Variants in RIPOR3 observed in about 807,000 individuals in gnomAD.
RIPOR3 encodes the protein RIPOR family member 3.
In RIPOR3, 95 loss-of-function variants were observed where a neutral mutation model predicts 114.3. The ratio of observed to expected loss-of-function variants is 0.83; its 90% CI spans 0.70 to 0.99. The LOEUF (loss-of-function observed/expected upper bound fraction) is 0.99. Among genes scored for constraint, RIPOR3 ranks in the 50% least tolerant of loss-of-function variants. The pLI, the probability that RIPOR3 is intolerant of heterozygous loss-of-function variation, is 0.00. For missense variants in RIPOR3, 1,252 were observed against 1,266.9 expected (o/e 0.99, Z 0.18); for synonymous variants, 575 against 543.8 (o/e 1.06, Z -0.80).
intron 20 of RIPOR3, among the ~76,000 whole-genome samples, 195 bp from the exon 21 acceptor site, chr20:50,588,087 C>T (rs2082981341): frequency 6.6e-6 from 1 of 152,238 alleles, no homozygotes; most frequent in African/African-American, 2.4e-5. Context: ...AGCGTCTCGC[C>T]TCTTCAGCCC....
At chr20:50,623,007 T>C (rs199857739) in intron 2 of RIPOR3, among the ~76,000 whole-genome samples, 2 of 152,138 alleles carry the variant, frequency 1.3e-5, no homozygotes, top group East Asian at 3.9e-4. Context: ...CTCACACCTA[T>C]AATCCCAGCA....
chr20:50,638,674 G>A (rs1222168137), intron 1 of RIPOR3, among the ~76,000 whole-genome samples: 1 of 152,088 alleles, frequency 6.6e-6, no homozygotes, highest in African/African-American at 2.4e-5. Context: ...AGAGAGCGTG[G>A]GGGTGTGGGG....
At chr20:50,592,727 T>A (rs1476156007) in intron 18 of RIPOR3, among the ~76,000 whole-genome samples, 181 bp from the exon 19 acceptor site, 1 of 152,180 alleles carries the variant, frequency 6.6e-6, no homozygotes, top group African/African-American at 2.4e-5. Context: ...CAGGAAGGCC[T>A]TTTAACAAGG....
intron 1 of RIPOR3, among the ~76,000 whole-genome samples, chr20:50,682,990 G>A (rs2086906853): frequency 6.6e-6 from 1 of 152,200 alleles, no homozygotes; most frequent in Admixed American, 6.5e-5. Context: ...GCCTCCCAAA[G>A]TACTGGGATT....
intron 1 of RIPOR3, among the ~76,000 whole-genome samples, chr20:50,665,482 G>A (rs369129483): frequency 1.3e-4 from 18 of 142,462 alleles, no homozygotes; most frequent in South Asian, 1.2e-3. Flanking sequence ...GGGCAGTGGT[G>A]TGATCTCGGC....
chr20:50,592,933 C>G, intron 18 of RIPOR3, 102 bp downstream of exon 18: 1 of 1,408,438 alleles, frequency 7.1e-7, no homozygotes, highest in Non-Finnish European at 9.7e-7. Context: ...GAACAGTTGG[C>G]GGGGATGGAT....
At chr20:50,604,179 C>A (rs2083608779) in intron 12 of RIPOR3, among the ~76,000 whole-genome samples, 1 of 150,154 alleles carries the variant, frequency 6.7e-6, no homozygotes, top group Non-Finnish European at 1.5e-5. Context: ...GAGCGAAACT[C>A]CGTCTCAAAA....
chr20:50,591,716 C>G (rs1005369147), intron 19 of RIPOR3, among the ~76,000 whole-genome samples: 1 of 152,220 alleles, frequency 6.6e-6, no homozygotes, highest in Non-Finnish European at 1.5e-5. Flanking sequence ...GAGGTCCACT[C>G]TCTTGGTTTT....
At chr20:50,665,855 A>T (rs2086172723) in intron 1 of RIPOR3, among the ~76,000 whole-genome samples, 1 of 152,100 alleles carries the variant, frequency 6.6e-6, no homozygotes, top group Admixed American at 6.6e-5. Flanking sequence ...GCTCCAAGCT[A>T]GGTGAAGGAA....
At chr20:50,587,501 T>C (rs1278570090) in intron 21 of RIPOR3, among the ~76,000 whole-genome samples, 169 bp from the exon 22 acceptor site, 1 of 152,200 alleles carries the variant, frequency 6.6e-6, no homozygotes, top group Non-Finnish European at 1.5e-5. Context: ...TCACATGGCC[T>C]GGGGGCCTTG....
intron 14 of RIPOR3, chr20:50,597,357 C>T (rs990106351): frequency 1.4e-5 from 8 of 582,732 alleles, no homozygotes; most frequent in Middle Eastern, 4.6e-4. Flanking sequence ...GGCTCAGGGG[C>T]AGGCTGGGGT....
chr20:50,643,711 T>C (rs201418396), intron 1 of RIPOR3, among the ~76,000 whole-genome samples: 2,605 of 84,520 alleles, frequency 0.031, 82 homozygotes, highest in African/African-American at 0.11. Context: ...TCTTTCTTTT[T>C]TTTTTTTTTT....
intron 1 of RIPOR3, among the ~76,000 whole-genome samples, chr20:50,685,424 C>T (rs1456610646): frequency 6.7e-6 from 1 of 150,018 alleles, no homozygotes; most frequent in Non-Finnish European, 1.5e-5. Flanking sequence ...ACCATCTTGG[C>T]CAGGCTTGTC....
chr20:50,631,391 G>T (rs1230994320), intron 1 of RIPOR3, among the ~76,000 whole-genome samples: 4 of 152,226 alleles, frequency 2.6e-5, no homozygotes, highest in African/African-American at 9.6e-5. Flanking sequence ...GAGTAGGAAG[G>T]CTGACGTGGG....
chr20:50,616,217 C>G, intron 3 of RIPOR3, 137 bp from the exon 4 acceptor site: 1 of 757,088 alleles, frequency 1.3e-6, no homozygotes, highest in Non-Finnish European at 2.2e-6. Flanking sequence ...GGAAGCCAGG[C>G]TCCCTCACAC....
chr20:50,686,464 T>C (rs1487084085), intron 1 of RIPOR3, among the ~76,000 whole-genome samples: 1 of 151,758 alleles, frequency 6.6e-6, no homozygotes, highest in Non-Finnish European at 1.5e-5. Flanking sequence ...CACGCATGCT[T>C]GGGGCCGGGC....
chr20:50,652,553 G>A (rs1419943217), intron 1 of RIPOR3, among the ~76,000 whole-genome samples: 14 of 131,548 alleles, frequency 1.1e-4, no homozygotes, highest in South Asian at 2.5e-4. Flanking sequence ...ATTGCAACAC[G>A]GCACTCCAGC....
chr20:50,615,830 T>A (rs1226992723), intron 4 of RIPOR3, among the ~76,000 whole-genome samples, 172 bp downstream of exon 4: 1 of 152,194 alleles, frequency 6.6e-6, no homozygotes, highest in Admixed American at 6.5e-5. Context: ...ACGTGTGAAC[T>A]GCTGTACGTG....
chr20:50,689,728 T>TG (rs1371675335), intron 1 of RIPOR3, among the ~76,000 whole-genome samples: 4 of 151,994 alleles, frequency 2.6e-5, no homozygotes, highest in African/African-American at 9.7e-5. Flanking sequence ...TACCTGGGAC[T>TG]GGGGGGGCTT....
Sources: gnomAD v4.1 joint callset for allele counts (sites outside exome capture counted in the v4.1 genomes callset) on GRCh38, gnomAD v4.1.1 for gene constraint, MANE v1.5 for transcripts, NCBI Gene and HGNC (gene_info 2026-07-23, HGNC 2026-07-21) for gene names.